The following A2M variants were observed in gnomAD, a reference collection of about 807,000 sequenced individuals.
A2M encodes the protein C3 and PZP-like alpha-2-macroglobulin domain-containing protein 5.
In A2M, 128 loss-of-function variants were observed where a neutral mutation model predicts 183.9. The observed-to-expected ratio is 0.70, with a 90% CI of 0.60 to 0.81. The LOEUF (loss-of-function observed/expected upper bound fraction) is 0.81, where lower values mean the gene tolerates loss of function less well. Among genes scored for constraint, A2M ranks in the 30% least tolerant of loss-of-function variants. The pLI, the probability that A2M is intolerant of heterozygous loss-of-function variation, is 0.00. For synonymous variants in A2M, 592 were observed against 670.8 expected, an observed-to-expected ratio of 0.88 and a Z score of 1.81; for missense variants, 1,495 against 1,787.6, an observed-to-expected ratio of 0.84 and a Z score of 2.95.
intron 22 of A2M, among the ~76,000 whole-genome samples, chr12:9,087,620 A>G (rs1033743634): frequency 6.6e-6 from 1 of 152,102 alleles, no homozygotes; most frequent in Non-Finnish European, 1.5e-5. Context: ...ATAATAGTGT[A>G]TTTTATGTTT....
chr12:9,091,504 A>G lies in A2M; in HGVS notation c.2241-75T>C, dbSNP rs757517418. The stretch of plus-strand genomic sequence containing the variant: ...CTTTCTAGGGAGAGAATCCCTAGGA[A>G]TGATTCTACTGCCATGACTTAAAAA... On this transcript the variant is annotated intron_variant, in intron 18 of 35. Transcript: ENST00000318602. The G allele has an allele frequency of 1.6e-5, 24 of 1,478,174 alleles. No individual in the cohort carries two copies. The African/African-American group carries it at 2.6e-4, about 16-fold the overall frequency. The allele number at this position is 1,478,174 out of a possible 1,614,324, so 91.6% of individuals were successfully genotyped here. A position where few individuals can be genotyped will look rare whatever the true frequency, so the allele number is the denominator to read the frequency against.
intron 7 of A2M, 65 bp from the exon 8 acceptor site, chr12:9,107,709 TA>T: frequency 6.3e-7 from 1 of 1,580,404 alleles, no homozygotes; most frequent in South Asian, 1.1e-5. Flanking sequence ...TCTAGCTATT[TA>T]TATCTCCCCT....
At chr12:9,069,894 C>A in intron 32 of A2M, 81 bp from the exon 33 acceptor site, 1 of 1,140,674 alleles carries the variant, frequency 8.8e-7, no homozygotes, top group South Asian at 1.3e-5. Context: ...TTTGTATTGC[C>A]AAAATAACCC....
chr12:9,086,937 A>T (rs1949068632), intron 22 of A2M, among the ~76,000 whole-genome samples: 2 of 152,250 alleles, frequency 1.3e-5, no homozygotes, highest in South Asian at 4.1e-4. Context: ...AATGCAATAA[A>T]GTTGCAAGAT....
chr12:9,094,522 T>C (rs1451662752), intron 17 of A2M, among the ~76,000 whole-genome samples: 1 of 151,888 alleles, frequency 6.6e-6, no homozygotes, highest in Non-Finnish European at 1.5e-5. Flanking sequence ...TTTTTGACCC[T>C]CTTTTCTCTG....
chr12:9,102,940 C>T (rs866036642), intron 11 of A2M, among the ~76,000 whole-genome samples: 1 of 151,822 alleles, frequency 6.6e-6, no homozygotes, highest in African/African-American at 2.4e-5. Context: ...AAGAGGCAGG[C>T]GTTTTCCATT....
intron 28 of A2M, among the ~76,000 whole-genome samples, 169 bp downstream of exon 28, chr12:9,076,587 T>G (rs1449043956): frequency 6.6e-6 from 1 of 152,218 alleles, no homozygotes; most frequent in Non-Finnish European, 1.5e-5. Context: ...ATTTCTGATT[T>G]GATTAAGAAA....
upstream of A2M, chr12:9,116,152 CT>C: frequency 2.7e-6 from 1 of 368,816 alleles, no homozygotes; most frequent in Non-Finnish European, 5.3e-6. Flanking sequence ...AGCTAATAAG[CT>C]TTTCAACCTC....
intron 22 of A2M, among the ~76,000 whole-genome samples, chr12:9,086,371 T>G (rs1949052329): frequency 6.6e-6 from 1 of 152,084 alleles, no homozygotes; most frequent in Admixed American, 6.6e-5. Context: ...CTTAAAAAAC[T>G]AAACCAACCA....
At chr12:9,070,704 C>T (rs775747344) in intron 31 of A2M, 126 bp from the exon 32 acceptor site, 5 of 655,912 alleles carry the variant, frequency 7.6e-6, no homozygotes, top group South Asian at 6.7e-5. Context: ...TATCTTATCC[C>T]AGTGGTTTGT....
At position 9,112,490 on chromosome 12, in the gene A2M, T is replaced by C. The variant is rs760007055; in HGVS notation, c.317A>G (p.Gln106Arg). 2.5e-6 allele frequency: 4 copies of C among 1,613,718 alleles called. No individual in the cohort carries two copies. The highest frequency in any genetic ancestry group is 4.5e-5 in the East Asian group (2 of 44,890). ...SNEEVMFLTV[Q>R]VKGPTQEFKK... ...AAATTCTTGGGTTGGTCCTTTCACT[T>C]GGACAGTGAGGAACATTACCTCCTC... The change falls in exon 3 of 36, where the codon CAA becomes CGA. Residue 106 changes from glutamine to arginine, a missense_variant. Gln to Arg is a conservative substitution (Grantham distance 43, BLOSUM62 1). Coordinates refer to ENST00000318602, the MANE Select transcript of A2M (RefSeq NM_000014.6).
intron 8 of A2M, 67 bp downstream of exon 8, chr12:9,107,457 C>T (rs1379435821): frequency 5.1e-6 from 8 of 1,572,664 alleles, no homozygotes; most frequent in Non-Finnish European, 6.1e-6. Flanking sequence ...CAGAAAAATG[C>T]TGCAACTCAC....
intron 17 of A2M, 61 bp from the exon 18 acceptor site, chr12:9,093,640 G>C: frequency 1.7e-4 from 125 of 750,018 alleles, no homozygotes; most frequent in Non-Finnish European, 2.2e-4. Flanking sequence ...ATGAGAGAAT[G>C]TAATAGTTGC....
chr12:9,101,273 T>C lies in A2M; in HGVS notation c.1495-66A>G, dbSNP rs1937824545. The C allele has an allele frequency of 1.9e-5, 29 of 1,491,142 alleles. No homozygotes were observed. The South Asian group carries it at 2.8e-4, about 14-fold the overall frequency. The allele number at this position is 1,491,142 out of a possible 1,614,324, so 92.4% of individuals were successfully genotyped here. ...AGAACACGCTTCAGTCTCACTTCAA[T>C]ATACTTGTTTTATTGAGTCCCTGCC... On this transcript the variant is annotated intron_variant, in intron 12 of 35. Transcript: ENST00000318602.
At chr12:9,077,616 T>C in intron 26 of A2M, 85 bp downstream of exon 26, 2 of 1,561,246 alleles carry the variant, frequency 1.3e-6, no homozygotes, top group South Asian at 1.2e-5. Flanking sequence ...GGCTTTCCCT[T>C]AGAATTTTTC....
chr12:9,091,141 A>G, intron 19 of A2M, 60 bp downstream of exon 19: 5 of 1,559,112 alleles, frequency 3.2e-6, no homozygotes, highest in Non-Finnish European at 4.4e-6. Context: ...ATTCCTAGGA[A>G]TGCAACTTTT....
intron 34 of A2M, 141 bp from the exon 35 acceptor site, chr12:9,068,365 C>T: frequency 1.2e-6 from 1 of 842,666 alleles, no homozygotes; most frequent in Non-Finnish European, 1.8e-6. Context: ...CATCATTCAT[C>T]TGATGTGTTG....
chr12:9,115,935 C>T, upstream of A2M: 1 of 1,116,394 alleles, frequency 9.0e-7, no homozygotes, highest in Non-Finnish European at 1.4e-6. Flanking sequence ...CTTCCCAAAG[C>T]AACTGGGCTT....
chr12:9,075,841 C>T (rs1317709860), intron 28 of A2M, among the ~76,000 whole-genome samples: 4 of 152,094 alleles, frequency 2.6e-5, no homozygotes, highest in East Asian at 1.9e-4. Flanking sequence ...TTTCCCATGT[C>T]GGTAATTTTC....
Sources: allele counts gnomAD v4.1 joint callset (sites outside exome capture counted in the v4.1 genomes callset), GRCh38; gene constraint gnomAD v4.1.1; transcripts MANE v1.5; gene names NCBI Gene and HGNC (gene_info 2026-07-23, HGNC 2026-07-21).